Variants in SLC24A2 observed in about 807,000 individuals in gnomAD.
SLC24A2 encodes solute carrier family 24 member 2.
Under a neutral mutation model 62.0 loss-of-function variants are expected in SLC24A2, and 36 were observed. The observed-to-expected ratio is 0.58, with a 90% CI of 0.44 to 0.77. The LOEUF is 0.77. SLC24A2 is among the 30% of genes least tolerant of loss of function. SLC24A2 has a pLI of 0.00. For synonymous variants in SLC24A2, 358 were observed against 294.0 expected (o/e 1.22, Z -2.23); for missense variants, 846 against 817.9 (o/e 1.03, Z -0.42).
the SLC24A2 span, among the ~76,000 whole-genome samples, chr9:20,011,530 A>G: frequency 2.8e-4 from 43 of 152,226 alleles, no homozygotes; most frequent in South Asian, 1.0e-3. Flanking sequence ...ATAAAGAAGA[A>G]TGAAAAAGAA....
chr9:20,112,935 G>A, the SLC24A2 span, among the ~76,000 whole-genome samples: 2 of 151,936 alleles, frequency 1.3e-5, no homozygotes, highest in Non-Finnish European at 2.9e-5. Context: ...ATCATGTGGT[G>A]AGAGACACAC....
At chr9:20,213,456 G>A in the SLC24A2 span, among the ~76,000 whole-genome samples, 1 of 148,644 alleles carries the variant, frequency 6.7e-6, no homozygotes, top group Non-Finnish European at 1.5e-5. Flanking sequence ...TGATACAAGG[G>A]ATTAATGAGG....
the SLC24A2 span, among the ~76,000 whole-genome samples, chr9:19,950,725 T>G: frequency 6.6e-6 from 1 of 152,150 alleles, no homozygotes. Context: ...GTGTGGGAAG[T>G]GGTCTGGAGA....
the SLC24A2 span, among the ~76,000 whole-genome samples, chr9:19,997,705 C>T: frequency 6.6e-6 from 1 of 152,210 alleles, no homozygotes; most frequent in Non-Finnish European, 1.5e-5. Flanking sequence ...GCAAGACAAA[C>T]TCCAGTCTTC....
the SLC24A2 span, among the ~76,000 whole-genome samples, chr9:20,256,720 C>T: frequency 6.6e-6 from 1 of 152,070 alleles, no homozygotes; most frequent in African/African-American, 2.4e-5. Context: ...TCAGTGAGGG[C>T]TTTCTGATAC....
At chr9:20,297,329 T>C in the SLC24A2 span, among the ~76,000 whole-genome samples, 5 of 152,038 alleles carry the variant, frequency 3.3e-5, no homozygotes, top group African/African-American at 1.2e-4. Flanking sequence ...TTAACCCTGA[T>C]GAAGGAGAGA....
At chr9:20,225,137 T>TA in the SLC24A2 span, among the ~76,000 whole-genome samples, 2 of 152,118 alleles carry the variant, frequency 1.3e-5, no homozygotes, top group African/African-American at 4.8e-5. Context: ...GCTTTGCTGC[T>TA]AGGGAACCTG....
intron 9 of SLC24A2, among the ~76,000 whole-genome samples, chr9:19,525,222 TATAAA>T (rs922097906): frequency 2.8e-4 from 43 of 152,206 alleles, no homozygotes; most frequent in African/African-American, 8.4e-4. Flanking sequence ...ATATGAATAA[TATAAA>T]ATATCATGTA....
intron 2 of SLC24A2, among the ~76,000 whole-genome samples, chr9:19,691,102 A>G (rs1820034403): frequency 6.6e-6 from 1 of 152,172 alleles, no homozygotes; most frequent in South Asian, 2.1e-4. Context: ...ACTCAATTTT[A>G]GTCCACTGGC....
At position 19,533,314 on chromosome 9, in the gene SLC24A2, C is replaced by T. The variant is rs542070497; in HGVS notation, c.1480-5176G>A. On this transcript the variant is annotated intron_variant, in intron 8 of 10. Transcript: ENST00000341998. ...TAATTTTTCCCCTCTCTTTCCTCTC[C>T]GTATGTATTTTCTCAAGAGGTCCCT... is the stretch of plus-strand genomic sequence containing the variant. Among the ~76,000 whole-genome samples the T allele has an allele frequency of 1.4e-4, 22 of 152,218 alleles. No homozygotes were observed. In the East Asian group the frequency reaches 1.5e-3, roughly 11 times the overall value.
At chr9:19,934,286 A>T in the SLC24A2 span, among the ~76,000 whole-genome samples, 5 of 152,092 alleles carry the variant, frequency 3.3e-5, no homozygotes, top group African/African-American at 1.2e-4. The surrounding 1 kb of genome is among the most constrained non-coding windows in gnomAD (Gnocchi z 4.1). Flanking sequence ...CCATCATTTT[A>T]TCCGTCCCCT....
At chr9:20,099,060 G>C in the SLC24A2 span, among the ~76,000 whole-genome samples, 1 of 152,192 alleles carries the variant, frequency 6.6e-6, no homozygotes, top group South Asian at 2.1e-4. Context: ...AGAACAAAAA[G>C]ATAAAGGTAC....
the SLC24A2 span, among the ~76,000 whole-genome samples, chr9:20,070,049 A>G: frequency 6.6e-6 from 1 of 152,116 alleles, no homozygotes; most frequent in Non-Finnish European, 1.5e-5. Flanking sequence ...ACTTATTTTT[A>G]TTATTTATTA....
chr9:19,664,847 G>A (rs934579828), intron 2 of SLC24A2, among the ~76,000 whole-genome samples: 2 of 152,154 alleles, frequency 1.3e-5, no homozygotes, highest in Non-Finnish European at 2.9e-5. Context: ...AAGAGGCAAG[G>A]AAGGGTCCCT....
intron 7 of SLC24A2, among the ~76,000 whole-genome samples, chr9:19,564,453 T>C (rs1192868948): frequency 6.6e-6 from 1 of 152,226 alleles, no homozygotes; most frequent in South Asian, 2.1e-4. Flanking sequence ...AAGGTAATAT[T>C]TGAATTGTAA....
chr9:20,133,408 A>T, the SLC24A2 span, among the ~76,000 whole-genome samples: 2 of 152,178 alleles, frequency 1.3e-5, no homozygotes, highest in Non-Finnish European at 2.9e-5. Flanking sequence ...TAAATCTAAT[A>T]GGATACATTT....
At chr9:20,110,820 A>T in the SLC24A2 span, among the ~76,000 whole-genome samples, 2 of 152,238 alleles carry the variant, frequency 1.3e-5, no homozygotes, top group Non-Finnish European at 2.9e-5. Context: ...AACAAGATTT[A>T]TGAAAAACAC....
At chr9:19,633,752 G>A (rs1046279382) in intron 2 of SLC24A2, among the ~76,000 whole-genome samples, 1 of 152,076 alleles carries the variant, frequency 6.6e-6, no homozygotes, top group Admixed American at 6.6e-5. Flanking sequence ...TCAGTGAAAT[G>A]TTTGTGCATA....
intron 4 of SLC24A2, among the ~76,000 whole-genome samples, chr9:19,614,828 T>A (rs1214636543): frequency 1.3e-5 from 2 of 152,030 alleles, no homozygotes; most frequent in African/African-American, 2.4e-5. Flanking sequence ...CCTTTGTAGG[T>A]GTTAAGCTTG....
Sources: gnomAD v4.1 joint callset for allele counts (sites outside exome capture counted in the v4.1 genomes callset) on GRCh38, gnomAD v4.1.1 for gene constraint, Gnocchi (gnomAD v3.1) non-coding constraint, MANE v1.5 for transcripts, NCBI Gene and HGNC (gene_info 2026-07-23, HGNC 2026-07-21) for gene names.